Variants in ATRNL1 observed in about 807,000 individuals in gnomAD.
ATRNL1 encodes attractin-like protein 1.
In ATRNL1, 95 loss-of-function variants were observed where a neutral mutation model predicts 182.7. That is an observed-to-expected ratio of 0.52 (90% CI 0.44 to 0.62). The LOEUF is 0.62. Ranked by LOEUF, ATRNL1 falls within the 20% of genes least tolerant of loss-of-function variation. The pLI, the probability that ATRNL1 is intolerant of heterozygous loss-of-function variation, is 0.00. For synonymous variants in ATRNL1, 576 were observed against 568.3 expected, an observed-to-expected ratio of 1.01 and a Z score of -0.19; for missense variants, 1,471 against 1,679.5, an observed-to-expected ratio of 0.88 and a Z score of 2.17.
chr10:115,392,585 T>G, intron 19 of ATRNL1, among the ~76,000 whole-genome samples: 1 of 152,196 alleles, frequency 6.6e-6, no homozygotes, highest in East Asian at 1.9e-4. Flanking sequence ...TTTTTGATCT[T>G]TCTAGGGGAG....
chr10:115,538,507 A>G (rs1338688936), intron 25 of ATRNL1, among the ~76,000 whole-genome samples: 1 of 152,032 alleles, frequency 6.6e-6, no homozygotes, highest in African/African-American at 2.4e-5. Context: ...TTGGTGAAGT[A>G]TTTTTCAAAT....
chr10:115,451,626 T>G (rs1454392853), intron 21 of ATRNL1, among the ~76,000 whole-genome samples: 1 of 151,918 alleles, frequency 6.6e-6, no homozygotes, highest in African/African-American at 2.4e-5. Flanking sequence ...GCTGGTGAGG[T>G]TGTGGAGAAA....
intron 28 of ATRNL1, among the ~76,000 whole-genome samples, chr10:115,871,473 G>GTATA (rs1391895391): frequency 6.7e-5 from 1 of 15,022 alleles, no homozygotes; most frequent in African/African-American, 1.5e-4. Context: ...GATTCTTTGT[G>GTATA]TGTGTGTATA....
chr10:115,477,030 T>C (rs1848563466), intron 24 of ATRNL1, among the ~76,000 whole-genome samples: 1 of 151,556 alleles, frequency 6.6e-6, no homozygotes, highest in Admixed American at 6.6e-5. Flanking sequence ...TATATTTCTC[T>C]GGAGAAAGGA....
At chr10:115,423,589 AC>A (rs528347389) in intron 20 of ATRNL1, among the ~76,000 whole-genome samples, 67 of 152,236 alleles carry the variant, frequency 4.4e-4, no homozygotes, top group Non-Finnish European at 7.6e-4. Flanking sequence ...AGACACACAA[AC>A]TAATGAAACA....
intron 5 of ATRNL1, among the ~76,000 whole-genome samples, chr10:115,138,763 C>G (rs1845630972): frequency 6.6e-6 from 1 of 152,164 alleles, no homozygotes; most frequent in South Asian, 2.1e-4. Context: ...AGACATTTTC[C>G]CCATTGTCTT....
At chr10:115,282,613 A>C (rs1032870412) in intron 14 of ATRNL1, among the ~76,000 whole-genome samples, 1 of 152,194 alleles carries the variant, frequency 6.6e-6, no homozygotes. Context: ...TATAAAAGAT[A>C]AAATTAGAAA....
intron 28 of ATRNL1, among the ~76,000 whole-genome samples, chr10:115,917,478 A>AAG (rs1442373533): frequency 1.2e-4 from 1 of 8,226 alleles, no homozygotes; most frequent in African/African-American, 1.5e-4. Context: ...TCAAAAAAAA[A>AAG]AAAAAAAGAA....
intron 26 of ATRNL1, among the ~76,000 whole-genome samples, chr10:115,641,513 T>A (rs1352660250): frequency 6.6e-6 from 1 of 152,128 alleles, no homozygotes; most frequent in African/African-American, 2.4e-5. Context: ...TTCTTAGTAT[T>A]TGAGAAAACA....
At chr10:115,372,956 C>T (rs782522808) in intron 19 of ATRNL1, among the ~76,000 whole-genome samples, 2 of 152,020 alleles carry the variant, frequency 1.3e-5, no homozygotes, top group Admixed American at 6.6e-5. Context: ...GATCACTTTG[C>T]GTAATATGGA....
At chr10:115,619,550 A>G (rs544717064) in intron 26 of ATRNL1, among the ~76,000 whole-genome samples, 2 of 152,302 alleles carry the variant, frequency 1.3e-5, no homozygotes, top group East Asian at 3.9e-4. Context: ...GACAGACTCC[A>G]GGCAGTCTGA....
At chr10:115,381,827 A>G (rs767181429) in intron 19 of ATRNL1, among the ~76,000 whole-genome samples, 5 of 152,040 alleles carry the variant, frequency 3.3e-5, no homozygotes, top group Non-Finnish European at 7.4e-5. Context: ...TTATAATTTT[A>G]ACTCTTATAT....
chr10:115,458,016 A>G (rs1847611890), intron 21 of ATRNL1, among the ~76,000 whole-genome samples: 1 of 152,164 alleles, frequency 6.6e-6, no homozygotes, highest in South Asian at 2.1e-4. Context: ...GAATTGATTT[A>G]TAGTCAATCA....
chr10:115,602,714 T>G (rs1273000582), intron 26 of ATRNL1, among the ~76,000 whole-genome samples: 6 of 152,040 alleles, frequency 3.9e-5, no homozygotes, highest in African/African-American at 1.4e-4. Context: ...ATACAAAAAA[T>G]TAGCCGGGCG....
intron 26 of ATRNL1, among the ~76,000 whole-genome samples, chr10:115,600,186 C>T (rs1376710667): frequency 2.0e-5 from 3 of 151,658 alleles, no homozygotes; most frequent in African/African-American, 4.8e-5. Flanking sequence ...ATTGATTTCA[C>T]CAAGTTCTAT....
intron 25 of ATRNL1, 84 bp from the exon 26 acceptor site, chr10:115,549,374 G>A (rs542083951): frequency 1.3e-6 from 1 of 791,256 alleles, no homozygotes; most frequent in Non-Finnish European, 1.9e-6. Context: ...ATATATATAT[G>A]TATTTGAGTC....
At chr10:115,690,104 C>T (rs1946342455) in intron 26 of ATRNL1, among the ~76,000 whole-genome samples, 1 of 152,130 alleles carries the variant, frequency 6.6e-6, no homozygotes, top group Non-Finnish European at 1.5e-5. Context: ...TTCTCATAGT[C>T]CCAGACAGGG....
intron 19 of ATRNL1, among the ~76,000 whole-genome samples, chr10:115,372,118 C>G (rs1369995777): frequency 4.6e-5 from 7 of 152,180 alleles, no homozygotes; most frequent in Admixed American, 4.6e-4. Context: ...AAACCTCTTT[C>G]TTTTGTAAAT....
At chr10:115,817,874 T>A in intron 27 of ATRNL1, among the ~76,000 whole-genome samples, 1 of 33,720 alleles carries the variant, frequency 3.0e-5, no homozygotes. Context: ...GATTTTACGT[T>A]GTGTTTTTTT....
Sources: gnomAD v4.1 joint callset for allele counts (sites outside exome capture counted in the v4.1 genomes callset) on GRCh38, gnomAD v4.1.1 for gene constraint, MANE v1.5 for transcripts, NCBI Gene and HGNC (gene_info 2026-07-23, HGNC 2026-07-21) for gene names.